Variants in SORCS1 observed in about 807,000 individuals in gnomAD.
SORCS1 encodes the protein VPS10 domain-containing receptor SorCS1.
SORCS1 carries 60 observed loss-of-function variants against 146.1 expected under a neutral mutation model. The ratio of observed to expected loss-of-function variants is 0.41; its 90% CI spans 0.33 to 0.51. The LOEUF (loss-of-function observed/expected upper bound fraction) is 0.51, where lower values mean the gene tolerates loss of function less well. SORCS1 is among the 20% of genes least tolerant of loss of function. SORCS1 has a pLI of 0.21. For missense variants in SORCS1, 1,352 were observed against 1,487.6 expected (o/e 0.91, Z 1.50); for synonymous variants, 637 against 584.0 (o/e 1.09, Z -1.31).
intron 3 of SORCS1, among the ~76,000 whole-genome samples, chr10:106,798,970 C>T (rs1743891757): frequency 6.6e-6 from 1 of 152,176 alleles, no homozygotes; most frequent in Non-Finnish European, 1.5e-5. Flanking sequence ...CACTACCTGA[C>T]TTCAAACTAT....
intron 1 of SORCS1, among the ~76,000 whole-genome samples, chr10:107,030,937 CT>C (rs1958623272): frequency 6.6e-6 from 1 of 152,162 alleles, no homozygotes; most frequent in African/African-American, 2.4e-5. Context: ...GATGCCAACT[CT>C]TCTGCAATTC....
chr10:107,099,987 ACTCT>A (rs1452809741), intron 1 of SORCS1, among the ~76,000 whole-genome samples: 1 of 152,044 alleles, frequency 6.6e-6, no homozygotes, highest in Non-Finnish European at 1.5e-5. Context: ...GTAAATGGAA[ACTCT>A]CTTGCATTTG....
At chr10:107,086,196 T>C (rs1963747916) in intron 1 of SORCS1, among the ~76,000 whole-genome samples, 2 of 152,198 alleles carry the variant, frequency 1.3e-5, no homozygotes, top group South Asian at 4.1e-4. Flanking sequence ...ACAGAAGTCC[T>C]AATCCATTGT....
intron 23 of SORCS1, chr10:106,600,372 T>C (rs1004446962): frequency 1.0e-6 from 1 of 977,238 alleles, no homozygotes; most frequent in East Asian, 1.1e-4. Context: ...TCAAAGGACA[T>C]TCAACAATGA....
intron 25 of SORCS1, chr10:106,578,769 C>A (rs1203578364): frequency 8.7e-7 from 1 of 1,143,076 alleles, no homozygotes; most frequent in African/African-American, 1.6e-5. Flanking sequence ...GAGGCCTCTC[C>A]TTCTTATATA....
chr10:107,000,969 A>AT (rs11432490), intron 1 of SORCS1, among the ~76,000 whole-genome samples: 7,565 of 152,154 alleles, frequency 0.05, 603 homozygotes, highest in African/African-American at 0.17. Flanking sequence ...CATGTAAAGA[A>AT]TTTTTTTGTA....
At chr10:106,821,802 GT>G (rs747300149) in intron 3 of SORCS1, among the ~76,000 whole-genome samples, 13 of 151,910 alleles carry the variant, frequency 8.6e-5, no homozygotes, top group Non-Finnish European at 1.8e-4. Flanking sequence ...GGCGCCTGTA[GT>G]CCCAGCTACT....
At chr10:106,952,161 G>T (rs1194561475) in intron 2 of SORCS1, among the ~76,000 whole-genome samples, 1 of 152,120 alleles carries the variant, frequency 6.6e-6, no homozygotes, top group African/African-American at 2.4e-5. Context: ...TCAGGGAGAT[G>T]GATTTGAGAC....
At chr10:106,954,176 A>T (rs1441442799) in intron 2 of SORCS1, among the ~76,000 whole-genome samples, 1 of 152,094 alleles carries the variant, frequency 6.6e-6, no homozygotes, top group Admixed American at 6.5e-5. Flanking sequence ...GCAGGTGGAG[A>T]GTTATGACTG....
At chr10:106,913,956 G>A (rs1367012623) in intron 2 of SORCS1, among the ~76,000 whole-genome samples, 3 of 152,106 alleles carry the variant, frequency 2.0e-5, no homozygotes, top group African/African-American at 7.2e-5. Context: ...GTGCTTGTAG[G>A]TCCTCCCCAA....
chr10:106,882,005 G>A (rs1443646439), intron 2 of SORCS1, among the ~76,000 whole-genome samples: 1 of 152,104 alleles, frequency 6.6e-6, no homozygotes, highest in African/African-American at 2.4e-5. Context: ...ATGCTCCACG[G>A]AGGCAATAAA....
In SORCS1 at chr10:107,060,383, A is replaced by T. The variant is rs1057045335; in HGVS notation, c.558+103586T>A. 6.6e-6 allele frequency among the ~76,000 whole-genome samples: 1 copy of T among 152,172 alleles called. No individual in the cohort carries two copies. Among genetic ancestry groups the T allele is most frequent in the African/African-American group, 2.4e-5 (1 of 41,432 alleles). ...TAAAAGATGAGAAAGCCATTTGAGG[A>T]TAGCAAAATGTAGAGTGAGGCAAAT... On this transcript the variant is annotated intron_variant, in intron 1 of 25. Transcript: ENST00000263054. The surrounding 1 kb of genome is among the most constrained non-coding windows in gnomAD (Gnocchi z 4.1).
At chr10:106,856,646 G>A (rs1036793977) in intron 2 of SORCS1, among the ~76,000 whole-genome samples, 2 of 152,178 alleles carry the variant, frequency 1.3e-5, no homozygotes, top group African/African-American at 4.8e-5. Context: ...CCCACCAGTT[G>A]TCACTGTGGG....
chr10:106,592,783 T>A (rs1388432848), intron 24 of SORCS1, among the ~76,000 whole-genome samples: 1 of 152,074 alleles, frequency 6.6e-6, no homozygotes, highest in Admixed American at 6.5e-5. Context: ...TTCTCTTTTT[T>A]TTTTTTTTCA....
At chr10:107,143,406 C>T (rs1428452971) in intron 1 of SORCS1, among the ~76,000 whole-genome samples, 2 of 152,158 alleles carry the variant, frequency 1.3e-5, no homozygotes, top group African/African-American at 4.8e-5. Flanking sequence ...TGGCTTGCTG[C>T]AACTTACACC....
chr10:106,988,930 A>G (rs767652906), intron 1 of SORCS1, among the ~76,000 whole-genome samples: 6 of 152,086 alleles, frequency 3.9e-5, no homozygotes, highest in Non-Finnish European at 8.8e-5. Flanking sequence ...CGTCCCTAGG[A>G]GGGGCTTTTT....
intron 24 of SORCS1, among the ~76,000 whole-genome samples, chr10:106,580,132 G>A (rs577804542): frequency 1.5e-3 from 223 of 152,264 alleles, no homozygotes; most frequent in Non-Finnish European, 2.8e-3. Flanking sequence ...AGAAAGAACA[G>A]CAAAGTGATG....
At chr10:106,896,177 C>T (rs1046429953) in intron 2 of SORCS1, among the ~76,000 whole-genome samples, 2 of 152,038 alleles carry the variant, frequency 1.3e-5, no homozygotes, top group Non-Finnish European at 2.9e-5. Context: ...GCCTGTATTC[C>T]TAGCACTTTG....
chr10:107,079,894 T>C lies in SORCS1; in HGVS notation c.558+84075A>G, dbSNP rs573794782. Among the ~76,000 whole-genome samples the C allele has an allele frequency of 3.3e-5, 5 of 152,142 alleles. No individual in the cohort carries two copies. The South Asian group carries it at 1.0e-3, about 32-fold the overall frequency. ...CTTGCCTTTGGCTAGCTTACAACCT[T>C]CCTCATGAGCAGCTCCCACCTAAAA... On this transcript the variant is annotated intron_variant, in intron 1 of 25. Coordinates refer to ENST00000263054, the MANE Select transcript of SORCS1 (RefSeq NM_052918.5).
Sources: allele counts gnomAD v4.1 joint callset (sites outside exome capture counted in the v4.1 genomes callset), GRCh38; gene constraint gnomAD v4.1.1; non-coding constraint Gnocchi (gnomAD v3.1); transcripts MANE v1.5; gene names NCBI Gene and HGNC (gene_info 2026-07-23, HGNC 2026-07-21).